The following NEIL3 variants were observed in gnomAD, a reference collection of about 807,000 sequenced individuals.
NEIL3 encodes endonuclease 8-like 3.
In NEIL3, 48 loss-of-function variants were observed where a neutral mutation model predicts 57.5. The ratio of observed to expected loss-of-function variants is 0.83; its 90% CI spans 0.66 to 1.06. The LOEUF (loss-of-function observed/expected upper bound fraction) is 1.06, where lower values mean the gene tolerates loss of function less well. Ranked by LOEUF, NEIL3 falls within the 50% of genes least tolerant of loss-of-function variation. NEIL3 has a pLI of 0.00. For missense variants in NEIL3, 717 were observed against 739.1 expected (o/e 0.97, Z 0.35); for synonymous variants, 261 against 253.2 (o/e 1.03, Z -0.29).
intron 1 of NEIL3, among the ~76,000 whole-genome samples, chr4:177,319,008 C>T (rs955299673): frequency 6.6e-6 from 1 of 152,128 alleles, no homozygotes; most frequent in Non-Finnish European, 1.5e-5. Context: ...TGTCACGTGC[C>T]ACTTTTGTTG....
At chr4:177,341,407 ATGTGTCTTTGGCTCCT>A in intron 5 of NEIL3, 53 bp from the exon 6 acceptor site, 1 of 1,307,500 alleles carries the variant, frequency 7.6e-7, no homozygotes, top group Non-Finnish European at 1.0e-6. Flanking sequence ...ACTTTCGAGA[ATGTGTCTTTGGCTCCT>A]TGGCAGCACT....
In NEIL3 at chr4:177,354,044, G is replaced by A. The variant is rs550965103; in HGVS notation, c.1460+316G>A. ...GCCTCTCAAGGTGCTGGGATTTACA[G>A]GCTTGAGCCACCATGCCCGGCTGGT... On this transcript the variant is annotated intron_variant, in intron 8 of 9. Coordinates refer to ENST00000264596, the MANE Select transcript of NEIL3 (RefSeq NM_018248.3). The A allele has an allele frequency of 1.6e-5, 4 of 244,958 alleles. No individual in the cohort carries two copies. In the South Asian group the frequency reaches 2.0e-4, roughly 12 times the overall value. The allele number at this position is 244,958 out of a possible 1,614,324, so 15.2% of individuals were successfully genotyped here. A position where few individuals can be genotyped will look rare whatever the true frequency, so the allele number is the denominator to read the frequency against.
At position 177,348,035 on chromosome 4, in the gene NEIL3, T is replaced by C. The variant is rs148029467; in HGVS notation, c.870-3345T>C. Among the ~76,000 whole-genome samples the C allele has an allele frequency of 1.0e-3, 152 of 152,326 alleles. 1 individual carries two copies. The highest frequency in any genetic ancestry group is 3.6e-3 in the African/African-American group (151 of 41,580). On this transcript the variant is annotated intron_variant, in intron 6 of 9. Transcript: ENST00000264596. The stretch of plus-strand genomic sequence containing the variant: ...TTTTAGCTTCACAATTGGCTGTTGA[T>C]AGTGACACATCTCCAACTTCCTCTA...
At chr4:177,315,486 A>T (rs903905163) in intron 1 of NEIL3, among the ~76,000 whole-genome samples, 3 of 152,258 alleles carry the variant, frequency 2.0e-5, no homozygotes, top group Admixed American at 6.5e-5. Context: ...AAGGGTCAAC[A>T]TGGGAAAGTC....
chr4:177,361,644 T>C (rs182685386), intron 9 of NEIL3, among the ~76,000 whole-genome samples: 2 of 152,308 alleles, frequency 1.3e-5, no homozygotes, highest in African/African-American at 4.8e-5. Flanking sequence ...ATAGCCTTTT[T>C]CATATCTCTC....
At chr4:177,346,870 G>A (rs1208189311) in intron 6 of NEIL3, among the ~76,000 whole-genome samples, 1 of 151,952 alleles carries the variant, frequency 6.6e-6, no homozygotes, top group Non-Finnish European at 1.5e-5. Context: ...GTGGTGGCGT[G>A]CACCTGTAGT....
chr4:177,334,700 C>T (rs887214740), intron 2 of NEIL3, among the ~76,000 whole-genome samples: 1 of 152,036 alleles, frequency 6.6e-6, no homozygotes, highest in Non-Finnish European at 1.5e-5. Flanking sequence ...AGTTTAAAAC[C>T]CACATTTTTA....
intron 8 of NEIL3, among the ~76,000 whole-genome samples, chr4:177,355,216 G>A (rs1158297507): frequency 6.6e-6 from 1 of 152,110 alleles, no homozygotes; most frequent in Non-Finnish European, 1.5e-5. Context: ...ACATATAAAT[G>A]GAGGGTCGTC....
chr4:177,339,668 C>A (rs746424397), intron 4 of NEIL3, 115 bp from the exon 5 acceptor site: 19 of 698,842 alleles, frequency 2.7e-5, no homozygotes, highest in Non-Finnish European at 4.7e-5. Context: ...GTTCAAAGGT[C>A]AGCTGTATTC....
chr4:177,358,488 G>T (rs932978379), intron 8 of NEIL3, among the ~76,000 whole-genome samples: 2 of 151,994 alleles, frequency 1.3e-5, no homozygotes, highest in East Asian at 3.9e-4. Context: ...TCTATTTTTA[G>T]TCGAGACGGG....
chr4:177,344,599 T>C (rs1165364513), intron 6 of NEIL3, among the ~76,000 whole-genome samples: 3 of 151,886 alleles, frequency 2.0e-5, no homozygotes, highest in Non-Finnish European at 2.9e-5. Flanking sequence ...CTCACTCTGA[T>C]CACCCAGGCT....
At chr4:177,368,439 CT>C in the NEIL3 span, among the ~76,000 whole-genome samples, 49 of 152,230 alleles carry the variant, frequency 3.2e-4, no homozygotes, top group African/African-American at 1.2e-3. Context: ...GATGAAACTT[CT>C]TTTTGTGGAT....
At chr4:177,363,469 G>A (rs1465031384), downstream of NEIL3, among the ~76,000 whole-genome samples, 1 of 152,110 alleles carries the variant, frequency 6.6e-6, no homozygotes, top group East Asian at 2.0e-4. Context: ...CACCCAAATT[G>A]CTCAACAGGG....
downstream of NEIL3, among the ~76,000 whole-genome samples, chr4:177,365,921 A>G (rs973944335): frequency 2.0e-5 from 3 of 152,220 alleles, no homozygotes; most frequent in Non-Finnish European, 4.4e-5. Flanking sequence ...GTCCAAAACT[A>G]CACAGCATAT....
In NEIL3 at chr4:177,341,501, C is replaced by G. The variant is rs777037764; in HGVS notation, c.728C>G (p.Ser243Cys). 1 of 1,604,726 alleles carries G rather than the reference C, an allele frequency of 6.2e-7. No individual in the cohort carries two copies. Among genetic ancestry groups the G allele is most frequent in the South Asian group, 1.1e-5 (1 of 89,688 alleles). ...TGCCGTAAAGCAGGACTTGCTCTCT[C>G]TAAACACTATAAGGTTTACAAGCGT... Reference protein sequence around the residue: ...YRCRKAGLALSKHYKVYKRPN... With the variant: ...YRCRKAGLALCKHYKVYKRPN... Residue 243 changes from serine (S) to cysteine (C), a missense_variant, in exon 6 of 10, where the codon TCT becomes TGT. By Grantham distance (112) the Ser-to-Cys change is moderately radical (BLOSUM62 -1). Coordinates refer to ENST00000264596, the MANE Select transcript of NEIL3 (RefSeq NM_018248.3).
chr4:177,364,623 C>G (rs1391424288), downstream of NEIL3, among the ~76,000 whole-genome samples: 1 of 151,984 alleles, frequency 6.6e-6, no homozygotes, highest in Non-Finnish European at 1.5e-5. Context: ...GAACACGGAG[C>G]AACCTAAGAT....
At chr4:177,357,892 A>G (rs1735510810) in intron 8 of NEIL3, among the ~76,000 whole-genome samples, 1 of 152,244 alleles carries the variant, frequency 6.6e-6, no homozygotes, top group Admixed American at 6.5e-5. Flanking sequence ...GGTCATGATC[A>G]CGAAAATGAA....
At chr4:177,366,436 T>C (rs1196029426), downstream of NEIL3, among the ~76,000 whole-genome samples, 2 of 152,228 alleles carry the variant, frequency 1.3e-5, no homozygotes, top group African/African-American at 2.4e-5. Flanking sequence ...CTCGCTCTTG[T>C]CGCCCAGGCT....
chr4:177,367,218 CTCA>C (rs748731388), downstream of NEIL3, among the ~76,000 whole-genome samples: 17 of 118,706 alleles, frequency 1.4e-4, no homozygotes, highest in Non-Finnish European at 2.8e-4. Context: ...TGATTTTTTT[CTCA>C]TCATACCTCG....
Sources: allele counts gnomAD v4.1 joint callset (sites outside exome capture counted in the v4.1 genomes callset), GRCh38; gene constraint gnomAD v4.1.1; transcripts MANE v1.5; gene names NCBI Gene and HGNC (gene_info 2026-07-23, HGNC 2026-07-21).